SNTG2: variants seen among roughly 807,000 people sequenced by gnomAD.
The protein encoded by SNTG2 is gamma-2-syntrophin.
A neutral mutation model predicts 70.9 loss-of-function variants in SNTG2; 74 were observed. The observed-to-expected ratio is 1.04, with a 90% confidence interval of 0.86 to 1.27. The LOEUF (loss-of-function observed/expected upper bound fraction) is 1.27. Ranked by LOEUF, SNTG2 falls within the 50% of genes most tolerant of loss-of-function variation. SNTG2 has a pLI of 0.00. For missense variants in SNTG2, 717 were observed against 690.7 expected (o/e 1.04, Z -0.43); for synonymous variants, 278 against 273.8 (o/e 1.02, Z -0.15).
intron 16 of SNTG2, among the ~76,000 whole-genome samples, chr2:1,349,086 G>A (rs1354143747): frequency 2.0e-5 from 3 of 152,202 alleles, no homozygotes; most frequent in Non-Finnish European, 4.4e-5. Context: ...GGATTTTAAA[G>A]GATAGTCTTC....
In SNTG2 at chr2:1,296,297, A is replaced by G. The variant is rs183893607; in HGVS notation, c.1285-12197A>G. On this transcript the variant is annotated intron_variant, in intron 14 of 16. Coordinates refer to ENST00000308624, the MANE Select transcript of SNTG2 (RefSeq NM_018968.4). ...CTTATTGCCTACTAGGCACTGTTAA[A>G]TAACGGTATATTTATTAATCATTTG... 4.5e-3 allele frequency among the ~76,000 whole-genome samples: 684 copies of G among 152,360 alleles called. 6 individuals carry two copies. Among genetic ancestry groups the G allele is most frequent in the African/African-American group, 0.015 (642 of 41,592 alleles).
intron 1 of SNTG2, among the ~76,000 whole-genome samples, chr2:1,051,467 C>T (rs1662070557): frequency 6.6e-6 from 1 of 152,140 alleles, no homozygotes; most frequent in Non-Finnish European, 1.5e-5. Flanking sequence ...GTTCTTTGCT[C>T]ATATGGTATG....
intron 14 of SNTG2, among the ~76,000 whole-genome samples, chr2:1,281,692 G>C (rs1036750904): frequency 6.6e-6 from 1 of 152,098 alleles, no homozygotes; most frequent in Non-Finnish European, 1.5e-5. Flanking sequence ...TGAAGGTGAA[G>C]GTATGTTCCC....
intron 1 of SNTG2, among the ~76,000 whole-genome samples, chr2:1,022,232 C>T (rs1660220936): frequency 6.6e-6 from 1 of 152,054 alleles, no homozygotes; most frequent in Admixed American, 6.5e-5. Context: ...CCCTGATTTC[C>T]TGTGAGTCCC....
intron 12 of SNTG2, among the ~76,000 whole-genome samples, chr2:1,255,885 AATATATATAAATATATATATAAATAT>A (rs1678064240): frequency 1.1e-5 from 1 of 90,478 alleles, no homozygotes; most frequent in African/African-American, 3.7e-5. Context: ...TATATATATA[AATATATATAAATATATATATAAATAT>A]ATATATAAAT....
chr2:1,280,773 T>A (rs867624136), intron 14 of SNTG2, among the ~76,000 whole-genome samples: 1 of 152,258 alleles, frequency 6.6e-6, no homozygotes, highest in Non-Finnish European at 1.5e-5. Flanking sequence ...TTACAAACTT[T>A]CTGAAAGTAT....
chr2:1,257,284 A>G (rs1487762636), intron 12 of SNTG2, among the ~76,000 whole-genome samples: 2 of 152,140 alleles, frequency 1.3e-5, no homozygotes, highest in Non-Finnish European at 1.5e-5. Context: ...CCCTGAATCA[A>G]TCATGTTGGC....
At chr2:1,175,417 C>A (rs781725162) in intron 8 of SNTG2, among the ~76,000 whole-genome samples, 1 of 152,146 alleles carries the variant, frequency 6.6e-6, no homozygotes, top group Non-Finnish European at 1.5e-5. Context: ...CATCCTCTCT[C>A]TTTGTTTTTT....
chr2:981,795 T>C (rs114500009), intron 1 of SNTG2, among the ~76,000 whole-genome samples: 554 of 152,208 alleles, frequency 3.6e-3, no homozygotes, highest in African/African-American at 0.013. Flanking sequence ...CAAGCAGACA[T>C]GTATACCATG....
At chr2:1,066,104 T>A (rs1663131610) in intron 1 of SNTG2, among the ~76,000 whole-genome samples, 1 of 152,212 alleles carries the variant, frequency 6.6e-6, no homozygotes, top group African/African-American at 2.4e-5. Context: ...ATAGGAGCCA[T>A]TACAAGCAAT....
intron 1 of SNTG2, among the ~76,000 whole-genome samples, chr2:993,542 T>G (rs1049963837): frequency 6.6e-6 from 1 of 152,176 alleles, no homozygotes; most frequent in African/African-American, 2.4e-5. Context: ...CTGGCCACAC[T>G]GTTTCCAATT....
intron 1 of SNTG2, among the ~76,000 whole-genome samples, chr2:1,055,983 G>A (rs75318478): frequency 4.3e-4 from 65 of 152,128 alleles, no homozygotes; most frequent in African/African-American, 1.6e-3. Context: ...CTGGACATGC[G>A]GTGGGTCGCG....
chr2:1,270,744 C>G (rs1678976758), intron 14 of SNTG2, among the ~76,000 whole-genome samples: 3 of 152,216 alleles, frequency 2.0e-5, no homozygotes, highest in Non-Finnish European at 2.9e-5. Flanking sequence ...CTTTTCTCCA[C>G]CTTCTGTCTC....
At chr2:1,310,203 C>A (rs906724973) in intron 15 of SNTG2, among the ~76,000 whole-genome samples, 3 of 152,188 alleles carry the variant, frequency 2.0e-5, no homozygotes, top group Non-Finnish European at 4.4e-5. Flanking sequence ...TCCTGTGTGT[C>A]CCTCCACTGG....
chr2:1,354,294 C>CCTCCGCGTT (rs1326727493), intron 16 of SNTG2, among the ~76,000 whole-genome samples: 3 of 83,164 alleles, frequency 3.6e-5, no homozygotes, highest in African/African-American at 1.4e-4. Context: ...GTTCCCTGAG[C>CCTCCGCGTT]CTCATCTGTA....
chr2:1,252,950 G>A (rs578083433), intron 12 of SNTG2, among the ~76,000 whole-genome samples: 1 of 152,030 alleles, frequency 6.6e-6, no homozygotes, highest in Non-Finnish European at 1.5e-5. Flanking sequence ...TTATATCCTG[G>A]CACTGGTGGC....
chr2:1,177,621 G>T (rs1025489399), intron 8 of SNTG2, among the ~76,000 whole-genome samples: 5 of 152,020 alleles, frequency 3.3e-5, no homozygotes, highest in Admixed American at 1.3e-4. Context: ...GTATGAAAAA[G>T]AAATTAATTC....
intron 12 of SNTG2, among the ~76,000 whole-genome samples, chr2:1,250,290 G>T (rs927280861): frequency 6.6e-6 from 1 of 152,156 alleles, no homozygotes; most frequent in African/African-American, 2.4e-5. Context: ...TAAAAAACTA[G>T]CAGACAAACC....
At chr2:1,364,225 A>G (rs1233690202) in intron 16 of SNTG2, among the ~76,000 whole-genome samples, 1 of 151,340 alleles carries the variant, frequency 6.6e-6, no homozygotes, top group African/African-American at 2.4e-5. Context: ...CAGGTGATCC[A>G]TCTACCTCGG....
Sources: gnomAD v4.1 joint callset for allele counts (sites outside exome capture counted in the v4.1 genomes callset) on GRCh38, gnomAD v4.1.1 for gene constraint, MANE v1.5 for transcripts, NCBI Gene and HGNC (gene_info 2026-07-23, HGNC 2026-07-21) for gene names.